The following NTRK3 variants were observed in gnomAD, a reference collection of about 807,000 sequenced individuals.
NTRK3 encodes the protein neurotrophic receptor tyrosine kinase 3.
NTRK3 carries 24 observed loss-of-function variants against 91.7 expected under a neutral mutation model. The observed-to-expected ratio is 0.26, with a 90% confidence interval of 0.19 to 0.37. The LOEUF (loss-of-function observed/expected upper bound fraction) is 0.37. Among genes scored for constraint, NTRK3 ranks in the 10% least tolerant of loss-of-function variants. NTRK3 has a pLI of 1.00. For synonymous variants in NTRK3, 483 were observed against 404.0 expected, an observed-to-expected ratio of 1.20 and a Z score of -2.34; for missense variants, 880 against 1,068.9, an observed-to-expected ratio of 0.82 and a Z score of 2.46.
chr15:87,885,718 T>C, intron 17 of NTRK3: 2 of 1,380,422 alleles, frequency 1.4e-6, no homozygotes, highest in Non-Finnish European at 9.6e-7. Context: ...AAAAATCATT[T>C]CCAGATGGAT....
At chr15:87,897,755 T>C (rs2066212553) in intron 17 of NTRK3, among the ~76,000 whole-genome samples, 2 of 152,190 alleles carry the variant, frequency 1.3e-5, no homozygotes, top group Admixed American at 6.5e-5. Context: ...TAAGATAATT[T>C]CTTTCAAATA....
intron 14 of NTRK3, among the ~76,000 whole-genome samples, chr15:87,959,239 C>T (rs1003917151): frequency 6.6e-5 from 10 of 152,202 alleles, no homozygotes; most frequent in African/African-American, 2.2e-4. Context: ...TCATCTGGTC[C>T]CCTAGTGGGC....
chr15:87,934,544 G>T (rs2069098488), intron 15 of NTRK3, among the ~76,000 whole-genome samples: 1 of 152,080 alleles, frequency 6.6e-6, no homozygotes, highest in African/African-American at 2.4e-5. Flanking sequence ...GGGCTTCCTT[G>T]GTTCTAGAAC....
At chr15:88,089,761 C>A (rs963790544) in intron 13 of NTRK3, among the ~76,000 whole-genome samples, 1 of 152,150 alleles carries the variant, frequency 6.6e-6, no homozygotes, top group Non-Finnish European at 1.5e-5. Flanking sequence ...CCACCCTGGC[C>A]CCCTGTGGCT....
chr15:87,892,764 T>G (rs1266935500), intron 17 of NTRK3, among the ~76,000 whole-genome samples: 2 of 152,156 alleles, frequency 1.3e-5, no homozygotes, highest in African/African-American at 2.4e-5. Context: ...CAGTAAATTA[T>G]GATAGAGTGG....
chr15:88,139,071 G>C (rs1365643598), intron 6 of NTRK3, among the ~76,000 whole-genome samples: 6 of 152,226 alleles, frequency 3.9e-5, no homozygotes, highest in African/African-American at 1.4e-4. Context: ...GCCATGGGCT[G>C]AGTGCTGCTG....
intron 6 of NTRK3, chr15:88,144,184 A>C (rs2042659384): frequency 6.6e-6 from 1 of 152,228 alleles, no homozygotes. Context: ...TCTTGCCATA[A>C]CCAGAAACTT....
chr15:87,942,610 A>G (rs1021688065), intron 14 of NTRK3, among the ~76,000 whole-genome samples: 2 of 152,240 alleles, frequency 1.3e-5, no homozygotes, highest in East Asian at 3.9e-4. Context: ...TCAAGCCCAC[A>G]TCTCTGAACA....
chr15:88,148,125 C>T (rs1010638155), intron 5 of NTRK3, among the ~76,000 whole-genome samples: 1 of 152,190 alleles, frequency 6.6e-6, no homozygotes, highest in Admixed American at 6.5e-5. Context: ...CTGATGGGAA[C>T]AAATGGCAGT....
At chr15:88,026,227 C>T (rs532727491) in intron 14 of NTRK3, among the ~76,000 whole-genome samples, 7 of 151,838 alleles carry the variant, frequency 4.6e-5, no homozygotes, top group African/African-American at 7.3e-5. Flanking sequence ...GCCAAGAATG[C>T]GCCACTGCAC....
chr15:87,973,534 G>T (rs1369283268), intron 14 of NTRK3, among the ~76,000 whole-genome samples: 1 of 152,196 alleles, frequency 6.6e-6, no homozygotes, highest in Non-Finnish European at 1.5e-5. Context: ...GGGAAGTATA[G>T]GGGGTGGTAA....
intron 17 of NTRK3, among the ~76,000 whole-genome samples, chr15:87,912,931 A>AATATATATAT (rs58367924): frequency 0.021 from 751 of 35,798 alleles, 31 homozygotes; most frequent in South Asian, 0.023. Flanking sequence ...AGTAAAAAAA[A>AATATATATAT]ATATATATAT....
chr15:88,191,270 C>T (rs1375620905), intron 3 of NTRK3, among the ~76,000 whole-genome samples: 1 of 151,966 alleles, frequency 6.6e-6, no homozygotes, highest in East Asian at 1.9e-4. Context: ...TCACTGCAAA[C>T]TCTGCCTCCC....
intron 5 of NTRK3, among the ~76,000 whole-genome samples, chr15:88,168,281 A>G (rs574936762): frequency 3.3e-5 from 5 of 152,136 alleles, no homozygotes; most frequent in Non-Finnish European, 7.4e-5. Flanking sequence ...CTTCCTAGTC[A>G]CTGCTAGGGG....
intron 14 of NTRK3, among the ~76,000 whole-genome samples, chr15:87,959,467 C>G (rs550896116): frequency 6.6e-6 from 1 of 152,160 alleles, no homozygotes; most frequent in Admixed American, 6.5e-5. Context: ...TCAGCAGATC[C>G]GAATTCTGAA....
chr15:87,909,592 G>A (rs2066967094), intron 17 of NTRK3, among the ~76,000 whole-genome samples: 1 of 152,158 alleles, frequency 6.6e-6, no homozygotes, highest in Admixed American at 6.5e-5. Flanking sequence ...AAGGACAGAT[G>A]GGCAGTTGGG....
intron 13 of NTRK3, among the ~76,000 whole-genome samples, chr15:88,081,896 C>A (rs1597193509): frequency 6.6e-6 from 1 of 152,148 alleles, no homozygotes; most frequent in Non-Finnish European, 1.5e-5. Flanking sequence ...TCTGCTGTGG[C>A]CCTCTGTGTC....
chr15:88,064,044 C>T (rs2046439781), intron 13 of NTRK3, among the ~76,000 whole-genome samples: 1 of 151,924 alleles, frequency 6.6e-6, no homozygotes, highest in Non-Finnish European at 1.5e-5. Flanking sequence ...GGCCCTAAAG[C>T]CAACAACAGA....
intron 13 of NTRK3, among the ~76,000 whole-genome samples, chr15:88,065,346 A>G (rs2046560423): frequency 2.0e-5 from 3 of 152,204 alleles, no homozygotes; most frequent in African/African-American, 4.8e-5. Context: ...TTTCCAGTTC[A>G]GAGCACTTTA....
Sources: allele counts gnomAD v4.1 joint callset (sites outside exome capture counted in the v4.1 genomes callset), GRCh38; gene constraint gnomAD v4.1.1; transcripts MANE v1.5; gene names NCBI Gene and HGNC (gene_info 2026-07-23, HGNC 2026-07-21).